The following GRIK4 variants were observed in gnomAD, a reference collection of about 807,000 sequenced individuals.
The protein encoded by GRIK4 is glutamate ionotropic receptor kainate type subunit 4.
Under a neutral mutation model 104.9 loss-of-function variants are expected in GRIK4, and 40 were observed. The observed-to-expected ratio is 0.38, with a 90% CI of 0.30 to 0.50. The LOEUF is 0.50. Among genes scored for constraint, GRIK4 ranks in the 20% least tolerant of loss-of-function variants. GRIK4 has a pLI of 0.93. For synonymous variants in GRIK4, 485 were observed against 524.9 expected (o/e 0.92, Z 1.04); for missense variants, 1,047 against 1,308.1 (o/e 0.80, Z 3.08).
intron 3 of GRIK4, among the ~76,000 whole-genome samples, chr11:120,730,366 A>C (rs970620482): frequency 5.3e-5 from 8 of 152,128 alleles, no homozygotes; most frequent in Non-Finnish European, 1.2e-4. Flanking sequence ...TCAAAGAAAG[A>C]AAGGAAAAAA....
chr11:120,538,173 T>C (rs1293383528), intron 1 of GRIK4, among the ~76,000 whole-genome samples: 1 of 152,178 alleles, frequency 6.6e-6, no homozygotes, highest in African/African-American at 2.4e-5. Flanking sequence ...ACGCATCCCA[T>C]CCCTCCCGCT....
At chr11:120,541,663 G>GTA (rs1948037886) in intron 1 of GRIK4, among the ~76,000 whole-genome samples, 1 of 151,942 alleles carries the variant, frequency 6.6e-6, no homozygotes, top group African/African-American at 2.4e-5. Flanking sequence ...GCTAATTTTA[G>GTA]TATTTTTTTT....
At chr11:120,691,968 G>C (rs1054157175) in intron 3 of GRIK4, among the ~76,000 whole-genome samples, 2 of 152,238 alleles carry the variant, frequency 1.3e-5, no homozygotes, top group African/African-American at 4.8e-5. Flanking sequence ...CGCCTGATTA[G>C]GTCTTCGGTG....
In GRIK4 at chr11:120,962,668, TG is replaced by T; in HGVS notation, c.2255del (p.Gly752AlafsTer28). On this transcript the variant is annotated frameshift_variant, in exon 18 of 21. Coordinates refer to ENST00000527524, the MANE Select transcript of GRIK4 (RefSeq NM_014619.5). LOFTEE classifies it high-confidence loss of function. The stretch of plus-strand genomic sequence containing the variant: ...TGCTGGACACCAAGGGCTATGGGAT[TG>T]GCATGCCAGTCGGTATGCGGGAGAG... ...GLLDTKGYGI[G>X]MPVGSVFRDE... The T allele has an allele frequency of 6.2e-7, 1 of 1,613,010 alleles. No homozygotes were observed. The highest frequency in any genetic ancestry group is 8.5e-7 in the Non-Finnish European group (1 of 1,179,010).
intron 3 of GRIK4, among the ~76,000 whole-genome samples, chr11:120,777,563 G>T (rs1401966165): frequency 6.6e-6 from 1 of 152,252 alleles, no homozygotes; most frequent in Non-Finnish European, 1.5e-5. Context: ...CCCTGCCCCG[G>T]CTGTAGTGGG....
intron 13 of GRIK4, among the ~76,000 whole-genome samples, chr11:120,907,230 T>C (rs569218880): frequency 2.0e-5 from 3 of 152,346 alleles, no homozygotes; most frequent in African/African-American, 7.2e-5. Flanking sequence ...TTCTTACTGA[T>C]GTCCTTGTTC....
intron 1 of GRIK4, among the ~76,000 whole-genome samples, chr11:120,514,720 C>G (rs186841755): frequency 6.6e-6 from 1 of 152,306 alleles, no homozygotes; most frequent in Non-Finnish European, 1.5e-5. Flanking sequence ...TTGCCTCCTC[C>G]TTGTGGAAAG....
chr11:120,800,177 A>G (rs1289303836), intron 3 of GRIK4, among the ~76,000 whole-genome samples: 1 of 151,994 alleles, frequency 6.6e-6, no homozygotes, highest in East Asian at 1.9e-4. Flanking sequence ...TAATAGCAAA[A>G]CATTTTTTCC....
chr11:120,780,716 T>TG (rs906574598), intron 3 of GRIK4, among the ~76,000 whole-genome samples: 26 of 152,102 alleles, frequency 1.7e-4, no homozygotes, highest in Non-Finnish European at 7.4e-5. Context: ...CCGGGGTTTT[T>TG]TTTGTTTGTT....
intron 1 of GRIK4, among the ~76,000 whole-genome samples, chr11:120,626,333 GT>G (rs1949258225): frequency 6.6e-6 from 1 of 152,194 alleles, no homozygotes; most frequent in Non-Finnish European, 1.5e-5. Flanking sequence ...GGGAAAATGG[GT>G]TTAAATGATT....
chr11:120,674,245 CTT>C (rs1402212266), intron 3 of GRIK4, among the ~76,000 whole-genome samples: 5 of 152,314 alleles, frequency 3.3e-5, no homozygotes, highest in Admixed American at 6.5e-5. Context: ...AGCAGGCACT[CTT>C]TTCACCTGCT....
At chr11:120,595,746 C>T (rs1308361266) in intron 1 of GRIK4, among the ~76,000 whole-genome samples, 1 of 152,216 alleles carries the variant, frequency 6.6e-6, no homozygotes, top group Non-Finnish European at 1.5e-5. Context: ...TCCACTTCTT[C>T]CTGGAAGCAT....
intron 1 of GRIK4, among the ~76,000 whole-genome samples, chr11:120,573,257 T>A (rs1433206911): frequency 6.6e-6 from 1 of 152,152 alleles, no homozygotes; most frequent in African/African-American, 2.4e-5. Context: ...ATCCTGCCAT[T>A]GTCACCAGGA....
At chr11:120,927,289 G>A (rs926860207) in intron 13 of GRIK4, among the ~76,000 whole-genome samples, 5 of 152,270 alleles carry the variant, frequency 3.3e-5, no homozygotes, top group Admixed American at 6.5e-5. Context: ...AGAATTGGCC[G>A]GGCACAGTGG....
At chr11:120,665,164 G>A (rs1032215226) in intron 3 of GRIK4, among the ~76,000 whole-genome samples, 1 of 152,040 alleles carries the variant, frequency 6.6e-6, no homozygotes. Flanking sequence ...TTCTTATCCT[G>A]TTATGCTGTG....
chr11:120,681,454 C>T (rs1416674777), intron 3 of GRIK4, among the ~76,000 whole-genome samples: 1 of 152,200 alleles, frequency 6.6e-6, no homozygotes, highest in African/African-American at 2.4e-5. Flanking sequence ...TTTAGCCTCC[C>T]TCCTGTCCTT....
At position 120,846,964 on chromosome 11, in the gene GRIK4, C is replaced by T. The variant is rs183998176; in HGVS notation, c.744+10120C>T. The stretch of plus-strand genomic sequence containing the variant: ...CCCCAGAGTGGGGGAGCACCCCTGT[C>T]TTCTGAGCTGTCTTGATCTCTCACC... On this transcript the variant is annotated intron_variant, in intron 8 of 20. Transcript: ENST00000527524. Among the ~76,000 whole-genome samples, 47 of 152,310 alleles carry T rather than the reference C, an allele frequency of 3.1e-4. No individual in the cohort carries two copies. The East Asian group carries it at 8.3e-3, about 27-fold the overall frequency.
chr11:120,851,184 C>T (rs1417740661), intron 8 of GRIK4, among the ~76,000 whole-genome samples: 1 of 152,174 alleles, frequency 6.6e-6, no homozygotes, highest in Non-Finnish European at 1.5e-5. Context: ...CCCCATTACC[C>T]TCAGGATAAA....
chr11:120,781,624 T>C (rs1038232520), intron 3 of GRIK4, among the ~76,000 whole-genome samples: 1 of 152,154 alleles, frequency 6.6e-6, no homozygotes, highest in Non-Finnish European at 1.5e-5. Flanking sequence ...AGTGCTGAGA[T>C]TGCAGGCATG....
Sources: gnomAD v4.1 joint callset for allele counts (sites outside exome capture counted in the v4.1 genomes callset) on GRCh38, gnomAD v4.1.1 for gene constraint, MANE v1.5 for transcripts, NCBI Gene and HGNC (gene_info 2026-07-23, HGNC 2026-07-21) for gene names.